The following KLHL13 variants were observed in gnomAD, a reference collection of about 807,000 sequenced individuals.
The protein encoded by KLHL13 is kelch like family member 13.
A neutral mutation model predicts 37.1 loss-of-function variants in KLHL13; 10 were observed. The ratio of observed to expected loss-of-function variants is 0.27; its 90% CI spans 0.17 to 0.46. The LOEUF is 0.46. KLHL13 is among the 20% of genes least tolerant of loss of function. The pLI is 1.00. For missense variants in KLHL13, 360 were observed against 509.3 expected, an observed-to-expected ratio of 0.71 and a Z score of 2.82; for synonymous variants, 163 against 181.2, an observed-to-expected ratio of 0.90 and a Z score of 0.81.
intron 1 of KLHL13, among the ~76,000 whole-genome samples, chrX:118,008,516 G>C (rs1489492919): frequency 8.9e-6 from 1 of 111,897 alleles, no homozygotes; most frequent in Admixed American, 9.5e-5. Context: ...GGAGCTGTAA[G>C]AAAGGGACAC....
chrX:117,964,194 A>AT (rs1203331920), intron 1 of KLHL13, among the ~76,000 whole-genome samples: 3 of 92,599 alleles, frequency 3.2e-5, no homozygotes, highest in African/African-American at 1.4e-4. Flanking sequence ...GAGTATAATA[A>AT]AAAAAAAAAA....
chrX:118,081,453 G>T (rs2497848), intron 1 of KLHL13, among the ~76,000 whole-genome samples: 28,127 of 109,558 alleles, frequency 0.26, 6,082 homozygotes, highest in African/African-American at 0.72. Flanking sequence ...GTTGATTTTT[G>T]GTTTTTTTTA....
At chrX:118,098,546 A>G (rs1041591340) in intron 1 of KLHL13, among the ~76,000 whole-genome samples, 1 of 110,435 alleles carries the variant, frequency 9.1e-6, no homozygotes, top group Non-Finnish European at 1.9e-5. Context: ...AACTAGAAAT[A>G]CCATTTGACC....
chrX:118,108,486 G>A lies in KLHL13; in HGVS notation c.-56+8022C>T, dbSNP rs182612647. Among the ~76,000 whole-genome samples, 13 of 112,140 alleles carry A rather than the reference G, an allele frequency of 1.2e-4. No individual in the cohort carries two copies. The East Asian group carries it at 3.1e-3, about 27-fold the overall frequency. ...CATCTGGAGCAAATTAAACCATCAC[G>A]TTGTAACAGGCATTCCTCCAATGCT... On this transcript the variant is annotated intron_variant, in intron 1 of 6. Transcript: ENST00000371882.
At chrX:118,015,808 C>T (rs2147999142) in intron 1 of KLHL13, among the ~76,000 whole-genome samples, 1 of 111,200 alleles carries the variant, frequency 9.0e-6, no homozygotes, top group African/African-American at 3.3e-5. Context: ...AATTTTTAAA[C>T]CAAAATAATT....
At position 118,098,764 on chromosome X, in the gene KLHL13, C is replaced by T. The variant is rs1316149064; in HGVS notation, c.-56+17744G>A. Among the ~76,000 whole-genome samples, 777 of 104,799 alleles carry T rather than the reference C, an allele frequency of 7.4e-3. 10 individuals carry two copies. Among genetic ancestry groups the T allele is most frequent in the African/African-American group, 0.024 (673 of 28,370 alleles). The allele number at this position is 104,799 out of a possible 115,157, so 91.0% of individuals were successfully genotyped here. The stretch of plus-strand genomic sequence containing the variant: ...GCAGCCATAAAAAATGATGAGTTCA[C>T]GTCCTTTGTAGGGACATGGATGAAG... On this transcript the variant is annotated intron_variant, in intron 1 of 6. Transcript: ENST00000371882.
chrX:118,099,627 A>C (rs1282003724), intron 1 of KLHL13, among the ~76,000 whole-genome samples: 1 of 110,535 alleles, frequency 9.0e-6, no homozygotes, highest in Non-Finnish European at 1.9e-5. Flanking sequence ...CAGCCTGGGC[A>C]ACACAGCAAC....
chrX:118,084,080 G>A (rs1168202006), intron 1 of KLHL13, among the ~76,000 whole-genome samples: 1 of 111,100 alleles, frequency 9.0e-6, no homozygotes, highest in Non-Finnish European at 1.9e-5. Flanking sequence ...AACACTTTGG[G>A]AGGCCAAGGT....
chrX:118,031,904 C>G (rs1315453056), intron 1 of KLHL13, among the ~76,000 whole-genome samples: 1 of 109,596 alleles, frequency 9.1e-6, no homozygotes, highest in Admixed American at 9.9e-5. Context: ...CGAGCCGAAG[C>G]AGGGCAAGAC....
intron 1 of KLHL13, among the ~76,000 whole-genome samples, chrX:117,997,064 G>T (rs1242309144): frequency 9.1e-6 from 1 of 110,148 alleles, no homozygotes; most frequent in South Asian, 3.8e-4. Context: ...AAATGCTTTC[G>T]GGAAGACTCA....
chrX:118,097,575 A>G (rs1010179129), intron 1 of KLHL13, among the ~76,000 whole-genome samples: 1 of 111,801 alleles, frequency 8.9e-6, no homozygotes, highest in Admixed American at 9.5e-5. Context: ...ATGGGAAAAA[A>G]CTACTTTAAA....
chrX:118,031,765 G>A (rs1375181662), intron 1 of KLHL13, among the ~76,000 whole-genome samples: 3 of 106,496 alleles, frequency 2.8e-5, no homozygotes, highest in Admixed American at 1.0e-4. Context: ...GAACAGCTCC[G>A]GTCTACAGCT....
chrX:118,048,229 T>C (rs2054579097), intron 1 of KLHL13, among the ~76,000 whole-genome samples: 1 of 111,597 alleles, frequency 9.0e-6, no homozygotes, highest in African/African-American at 3.3e-5. Context: ...TAATAGGAGA[T>C]ACTAGAGCAG....
At chrX:118,072,133 T>A (rs1373166314) in intron 1 of KLHL13, among the ~76,000 whole-genome samples, 1 of 109,000 alleles carries the variant, frequency 9.2e-6, no homozygotes, top group Admixed American at 9.8e-5. Flanking sequence ...AAAACAGAGA[T>A]ATAGATCAAT....
intron 1 of KLHL13, among the ~76,000 whole-genome samples, chrX:118,090,147 T>A (rs1433851745): frequency 2.8e-5 from 3 of 108,182 alleles, no homozygotes; most frequent in Admixed American, 2.0e-4. Flanking sequence ...TCAAGATGGA[T>A]TAAAGACTTA....
intron 1 of KLHL13, among the ~76,000 whole-genome samples, chrX:118,031,524 TTTAG>T (rs1438007525): frequency 1.1e-5 from 1 of 90,777 alleles, no homozygotes; most frequent in Non-Finnish European, 2.1e-5. Flanking sequence ...CACATATATA[TTTAG>T]TTATATATAT....
At chrX:118,072,997 G>T (rs780887204) in intron 1 of KLHL13, among the ~76,000 whole-genome samples, 1 of 109,726 alleles carries the variant, frequency 9.1e-6, no homozygotes, top group South Asian at 4.0e-4. Context: ...AGGAGGCTGA[G>T]GTGGGAGAAT....
intron 1 of KLHL13, among the ~76,000 whole-genome samples, chrX:118,018,554 T>G (rs367751086): frequency 8.9e-6 from 1 of 111,984 alleles, no homozygotes; most frequent in East Asian, 2.8e-4. Flanking sequence ...TGCCAAATTT[T>G]TAAATATCCT....
intron 1 of KLHL13, among the ~76,000 whole-genome samples, chrX:118,042,190 C>T (rs1382970026): frequency 9.0e-6 from 1 of 111,305 alleles, no homozygotes; most frequent in African/African-American, 3.3e-5. Flanking sequence ...GACACTGGAG[C>T]ACCTAGGCAT....
Sources: allele counts gnomAD v4.1 joint callset (sites outside exome capture counted in the v4.1 genomes callset), GRCh38; gene constraint gnomAD v4.1.1; transcripts MANE v1.5; gene names NCBI Gene and HGNC (gene_info 2026-07-23, HGNC 2026-07-21).